The following GID8 variants were observed in gnomAD, a reference collection of about 807,000 sequenced individuals.
GID8 encodes GID complex subunit 8 homolog.
Under a neutral mutation model 27.4 loss-of-function variants are expected in GID8, and 6 were observed. The ratio of observed to expected loss-of-function variants is 0.22; its 90% CI spans 0.12 to 0.43. The LOEUF (loss-of-function observed/expected upper bound fraction) is 0.43, where lower values mean the gene tolerates loss of function less well. Ranked by LOEUF, GID8 falls within the 20% of genes least tolerant of loss-of-function variation. GID8 has a pLI of 1.00. For synonymous variants in GID8, 112 were observed against 109.0 expected, an observed-to-expected ratio of 1.03 and a Z score of -0.17; for missense variants, 173 against 287.6, an observed-to-expected ratio of 0.60 and a Z score of 2.88.
chr20:62,938,350 C>G (rs1346872529), intron 1 of GID8, 97 bp downstream of exon 1: 1 of 151,306 alleles, frequency 6.6e-6, no homozygotes. Flanking sequence ...CGCGCCGCCC[C>G]CGCTCTGGGG....
At position 62,945,453 on chromosome 20, in the gene GID8, T is replaced by G. The variant is rs909727566; in HGVS notation, c.*541T>G. 5.0e-6 allele frequency: 5 copies of G among 997,262 alleles called. No individual in the cohort carries two copies. Among genetic ancestry groups the G allele is most frequent in the Non-Finnish European group, 6.0e-6 (5 of 836,354 alleles). The allele number at this position is 997,262 out of a possible 1,614,324, so 61.8% of individuals were successfully genotyped here. The stretch of plus-strand genomic sequence containing the variant: ...TGTGAGGGCATTGAGTTTGATTTGT[T>G]TTCCCTTTGGTCTGGGTTGTGTGGC... On this transcript the variant is annotated 3_prime_UTR_variant, in exon 5 of 5. Transcript: ENST00000266069.
chr20:62,942,500 T>C (rs2065447945), intron 2 of GID8, among the ~76,000 whole-genome samples: 1 of 152,304 alleles, frequency 6.6e-6, no homozygotes, highest in East Asian at 1.9e-4. Context: ...CCTATAATTA[T>C]GTCAGGGGCA....
rs1056109382 is a variant in GID8 at position 62,946,735 on chromosome 20, T to G, written c.*1823T>G. On this transcript the variant is annotated 3_prime_UTR_variant, in exon 5 of 5. Coordinates refer to ENST00000266069, the MANE Select transcript of GID8 (RefSeq NM_017896.3). The stretch of plus-strand genomic sequence containing the variant: ...CCTTGCGATTATTTCCTCTGAGGTT[T>G]GAGGATGAAGATAAGTTGGAGGGAA... 8.5e-5 allele frequency: 13 copies of G among 152,126 alleles called. No individual in the cohort carries two copies. The highest frequency in any genetic ancestry group is 3.1e-4 in the African/African-American group (13 of 41,390). The allele number at this position is 152,126 out of a possible 1,614,324, so 9.4% of individuals were successfully genotyped here.
chr20:62,941,033 G>A (rs2065441092), intron 1 of GID8, among the ~76,000 whole-genome samples: 1 of 152,238 alleles, frequency 6.6e-6, no homozygotes, highest in African/African-American at 2.4e-5. Context: ...CTGCCCAAGG[G>A]TTTTAAACAT....
intron 1 of GID8, among the ~76,000 whole-genome samples, chr20:62,941,257 C>T (rs994494662): frequency 6.6e-6 from 1 of 152,178 alleles, no homozygotes; most frequent in African/African-American, 2.4e-5. Flanking sequence ...GTAAGGAGTA[C>T]CAGATTGTTT....
chr20:62,938,727 T>C (rs2065420438), intron 1 of GID8: 2 of 152,356 alleles, frequency 1.3e-5, no homozygotes, highest in African/African-American at 2.4e-5. Flanking sequence ...CTAACAGGAC[T>C]GGCCAGTTCT....
rs764323743 is a variant in GID8 at position 62,944,829 on chromosome 20, G to T, written c.604G>T (p.Ala202Ser). ...LAKLLKLLLW[A>S]QNELDQKKVK... The stretch of plus-strand genomic sequence containing the variant: ...AAAATTACTGAAACTACTACTTTGG[G>T]CTCAGAACGAGCTGGACCAGAAGAA... Residue 202 changes from alanine (A) to serine (S), a missense_variant, in exon 5 of 5, where the codon GCT becomes TCT. Coordinates refer to ENST00000266069, the MANE Select transcript of GID8 (RefSeq NM_017896.3). 7 of 1,614,154 alleles carry T rather than the reference G, an allele frequency of 4.3e-6. No individual in the cohort carries two copies. Among genetic ancestry groups the T allele is most frequent in the Non-Finnish European group, 2.5e-6 (3 of 1,180,018 alleles).
intron 1 of GID8, among the ~76,000 whole-genome samples, chr20:62,940,789 C>G (rs2065439821): frequency 6.6e-6 from 1 of 152,206 alleles, no homozygotes. Flanking sequence ...TGCTAAAAAT[C>G]TAAACATCTC....
At position 62,938,200 on chromosome 20, in the gene GID8, G is replaced by C. The variant is rs1042424169; in HGVS notation, c.-66G>C. On this transcript the variant is annotated 5_prime_UTR_variant, in exon 1 of 5. Transcript: ENST00000266069. ...GCCACCTCTCCCCAGCCCAGGAGAG[G>C]CTGCGGAGCCGCAGCCGCCCAGACC... The C allele has an allele frequency of 5.2e-6, 1 of 190,584 alleles. No homozygotes were observed. Among genetic ancestry groups the C allele is most frequent in the East Asian group, 1.2e-4 (1 of 8,262 alleles). The allele number at this position is 190,584 out of a possible 1,614,324, so 11.8% of individuals were successfully genotyped here. A position where few individuals can be genotyped will look rare whatever the true frequency, so the allele number is the denominator to read the frequency against.
At chr20:62,940,942 C>T (rs1035962124) in intron 1 of GID8, among the ~76,000 whole-genome samples, 1 of 152,250 alleles carries the variant, frequency 6.6e-6, no homozygotes, top group Non-Finnish European at 1.5e-5. Flanking sequence ...GGAGTGCCCC[C>T]AAACCCCAGT....
rs761815844 is a variant in GID8 at position 62,945,790 on chromosome 20, C to T, written c.*878C>T. Reference sequence around the variant, plus strand: ...GCTGAGTGAGCGGCCTTCATTAGAGCGAGGCAGCCCTTGGCCGGTGGGGAC... The same window carrying T: ...GCTGAGTGAGCGGCCTTCATTAGAGTGAGGCAGCCCTTGGCCGGTGGGGAC... On this transcript the variant is annotated 3_prime_UTR_variant, in exon 5 of 5. Coordinates refer to ENST00000266069, the MANE Select transcript of GID8 (RefSeq NM_017896.3). The T allele has an allele frequency of 7.8e-6, 10 of 1,278,118 alleles. No individual in the cohort carries two copies. The Admixed American group carries it at 1.4e-4, about 18-fold the overall frequency. 79.2% of individuals were successfully genotyped at this position (1,278,118 alleles called of 1,614,324 possible).
At chr20:62,944,713 T>C (rs1568903752) in intron 4 of GID8, 26 bp from the exon 5 acceptor site, 2 of 1,534,198 alleles carry the variant, frequency 1.3e-6, no homozygotes, top group Admixed American at 1.7e-5. Context: ...GTATGGTGGT[T>C]TTTATCAGAT....
rs1601073582 is a variant in GID8, at chr20:62,945,275, A to C, written c.*363A>C. 2.0e-6 allele frequency: 2 copies of C among 1,019,668 alleles called. No homozygotes were observed. The highest frequency in any genetic ancestry group is 3.4e-5 in the African/African-American group (2 of 58,366). 63.2% of individuals were successfully genotyped at this position (1,019,668 alleles called of 1,614,324 possible). On this transcript the variant is annotated 3_prime_UTR_variant, in exon 5 of 5. Transcript: ENST00000266069. ...CCACTCAAAATACAGGAAAAGCACGAATCATGATTCTGCTTTCTGTTAGCT... is the reference window on the plus strand; with the variant it reads ...CCACTCAAAATACAGGAAAAGCACGCATCATGATTCTGCTTTCTGTTAGCT...
In GID8 at chr20:62,945,693, G is replaced by T; in HGVS notation, c.*781G>T. On this transcript the variant is annotated 3_prime_UTR_variant, in exon 5 of 5. Coordinates refer to ENST00000266069, the MANE Select transcript of GID8 (RefSeq NM_017896.3). ...TCTCAAATGACCTTTTGTCTTTGGG[G>T]CGTTCTTCCCCCTGTGATAGCGGCA... 1 of 1,186,092 alleles carries T rather than the reference G, an allele frequency of 8.4e-7. No homozygotes were observed. The highest frequency in any genetic ancestry group is 1.1e-6 in the Non-Finnish European group (1 of 937,952). 73.5% of individuals were successfully genotyped at this position (1,186,092 alleles called of 1,614,324 possible). A position where few individuals can be genotyped will look rare whatever the true frequency, so the allele number is the denominator to read the frequency against.
Position 62,945,842 on chromosome 20 carries a change from CTG to C in GID8, c.*932_*933del, listed in dbSNP as rs2065464041. ...CAGAGCCCCAGCAGGTGGTGCACGA[CTG>C]TTGGCGGAAGGAACGCGTGTTCATC... is the stretch of plus-strand genomic sequence containing the variant. On this transcript the variant is annotated 3_prime_UTR_variant, in exon 5 of 5. Transcript: ENST00000266069. The C allele has an allele frequency of 7.8e-7, 1 of 1,289,764 alleles. No homozygotes were observed. The highest frequency in any genetic ancestry group is 1.0e-6 in the Non-Finnish European group (1 of 988,830). The allele number at this position is 1,289,764 out of a possible 1,614,324, so 79.9% of individuals were successfully genotyped here.
In GID8 at chr20:62,945,928, C is replaced by T. The variant is rs2147634921; in HGVS notation, c.*1016C>T. On this transcript the variant is annotated 3_prime_UTR_variant, in exon 5 of 5. Transcript: ENST00000266069. ...TCTCATCCTCCATCGTCAGCTGGCT[C>T]TGCCGATGTCCTGCTTCTGTTCACT... 9 of 1,289,476 alleles carry T rather than the reference C, an allele frequency of 7.0e-6. No homozygotes were observed. Among genetic ancestry groups the T allele is most frequent in the East Asian group, 5.5e-5 (1 of 18,034 alleles). The allele number at this position is 1,289,476 out of a possible 1,614,324, so 79.9% of individuals were successfully genotyped here. A position where few individuals can be genotyped will look rare whatever the true frequency, so the allele number is the denominator to read the frequency against.
At chr20:62,942,310 G>A (rs117104500) in intron 2 of GID8, among the ~76,000 whole-genome samples, 3,759 of 152,258 alleles carry the variant, frequency 0.025, 50 homozygotes, top group Non-Finnish European at 0.03. Context: ...TAATTAGCTG[G>A]ATGTGGTGGC....
Position 62,946,411 on chromosome 20 carries a change from C to G in GID8, c.*1499C>G, listed in dbSNP as rs527558221. The G allele has an allele frequency of 5.7e-6, 1 of 175,236 alleles. No individual in the cohort carries two copies. Among genetic ancestry groups the G allele is most frequent in the East Asian group, 1.7e-4 (1 of 5,788 alleles). 10.9% of individuals were successfully genotyped at this position (175,236 alleles called of 1,614,324 possible). On this transcript the variant is annotated 3_prime_UTR_variant, in exon 5 of 5. Coordinates refer to ENST00000266069, the MANE Select transcript of GID8 (RefSeq NM_017896.3). ...ATCAGGAGGCGTCCACAGCATTGTT[C>G]TCGCCTCTGAATGATGCTTCTTTCT...
Position 62,941,597 on chromosome 20 carries a change from T to G in GID8, c.95T>G (p.Leu32Arg). The change falls in exon 2 of 5, where the codon CTC becomes CGC. Residue 32 changes from leucine (L) to arginine (R), a missense_variant. Coordinates refer to ENST00000266069, the MANE Select transcript of GID8 (RefSeq NM_017896.3). Reference sequence around the variant, plus strand: ...GTCCAGAGAGCAGACATGAACCGCCTCATCATGAACTACCTGGTCACAGGT... The same window carrying G: ...GTCCAGAGAGCAGACATGAACCGCCGCATCATGAACTACCTGGTCACAGGT... ...LHVQRADMNRLIMNYLVTEGF... is the reference protein window; with the variant it reads ...LHVQRADMNRRIMNYLVTEGF... 6.3e-7 allele frequency: 1 copy of G among 1,599,302 alleles called. No individual in the cohort carries two copies. Among genetic ancestry groups the G allele is most frequent in the Non-Finnish European group, 8.6e-7 (1 of 1,166,432 alleles).
Sources: gnomAD v4.1 joint callset for allele counts (sites outside exome capture counted in the v4.1 genomes callset) on GRCh38, gnomAD v4.1.1 for gene constraint, MANE v1.5 for transcripts, NCBI Gene and HGNC (gene_info 2026-07-23, HGNC 2026-07-21) for gene names.